RXRG: variants seen among roughly 807,000 people sequenced by gnomAD.
RXRG encodes retinoid X receptor gamma.
In RXRG, 19 loss-of-function variants were observed where a neutral mutation model predicts 49.2. The ratio of observed to expected loss-of-function variants is 0.39; its 90% confidence interval spans 0.27 to 0.57. The LOEUF (loss-of-function observed/expected upper bound fraction) is 0.57, where lower values mean the gene tolerates loss of function less well. Among genes scored for constraint, RXRG ranks in the 20% least tolerant of loss-of-function variants. The pLI is 0.64. For missense variants in RXRG, 452 were observed against 592.5 expected (o/e 0.76, Z 2.46); for synonymous variants, 224 against 216.6 (o/e 1.03, Z -0.30).
In RXRG at chr1:165,436,755, C is replaced by A. The variant is rs1208477799; in HGVS notation, c.50-7789G>T. Among the ~76,000 whole-genome samples the A allele has an allele frequency of 2.0e-5, 3 of 152,114 alleles. No individual in the cohort carries two copies. The South Asian group carries it at 6.2e-4, about 32-fold the overall frequency. ...GGCAGTGACCTTGAGAAGTCCTGAC[C>A]CCCTCCATTTCCTCAAATGCAAATG... On this transcript the variant is annotated intron_variant, in intron 1 of 9. Coordinates refer to ENST00000359842, the MANE Select transcript of RXRG (RefSeq NM_006917.5).
At chr1:165,406,764 G>A (rs1469897765) in intron 9 of RXRG, 48 bp downstream of exon 9, 2 of 1,294,054 alleles carry the variant, frequency 1.5e-6, no homozygotes, top group East Asian at 4.6e-5. Context: ...TAGATGAAGA[G>A]TGGGAGTAGT....
intron 2 of RXRG, among the ~76,000 whole-genome samples, chr1:165,424,196 T>G (rs1329284667): frequency 6.6e-6 from 1 of 152,236 alleles, no homozygotes; most frequent in Non-Finnish European, 1.5e-5. Context: ...TATTGATGTC[T>G]TTAGAAATTG....
At chr1:165,440,673 A>G (rs1049883997) in intron 1 of RXRG, among the ~76,000 whole-genome samples, 1 of 151,582 alleles carries the variant, frequency 6.6e-6, no homozygotes, top group Non-Finnish European at 1.5e-5. Context: ...TGCATTCTAG[A>G]AAATTAACTT....
At chr1:165,432,654 C>A (rs964548910) in intron 1 of RXRG, among the ~76,000 whole-genome samples, 2 of 152,178 alleles carry the variant, frequency 1.3e-5, no homozygotes, top group Non-Finnish European at 2.9e-5. Flanking sequence ...TTCCAGATAC[C>A]TGATTATATC....
At chr1:165,430,947 G>A (rs1055203685) in intron 1 of RXRG, among the ~76,000 whole-genome samples, 1 of 152,104 alleles carries the variant, frequency 6.6e-6, no homozygotes, top group South Asian at 2.1e-4. Context: ...AGCTTTTCCT[G>A]GTGTTCCTGG....
At chr1:165,411,757 T>A (rs1468279993) in intron 4 of RXRG, among the ~76,000 whole-genome samples, 1 of 152,172 alleles carries the variant, frequency 6.6e-6, no homozygotes, top group Admixed American at 6.5e-5. Context: ...GCTGAAATTA[T>A]CTCAGCCTCT....
intron 5 of RXRG, 44 bp from the exon 6 acceptor site, chr1:165,410,875 C>T (rs756235340): frequency 4.3e-6 from 7 of 1,613,602 alleles, no homozygotes; most frequent in South Asian, 1.1e-5. Flanking sequence ...TCCCAGGACT[C>T]AAATACACCC....
At chr1:165,434,198 A>C (rs1028502016) in intron 1 of RXRG, among the ~76,000 whole-genome samples, 6 of 152,138 alleles carry the variant, frequency 3.9e-5, no homozygotes, top group African/African-American at 1.4e-4. Context: ...AAAGTTTATC[A>C]ACAGAAATTA....
At chr1:165,418,181 A>G (rs1432634991) in intron 3 of RXRG, among the ~76,000 whole-genome samples, 2 of 149,584 alleles carry the variant, frequency 1.3e-5, no homozygotes, top group Non-Finnish European at 3.0e-5. Flanking sequence ...TGCATATTTC[A>G]TTGCCCTTAT....
intron 9 of RXRG, among the ~76,000 whole-genome samples, chr1:165,402,688 A>G (rs1232547995): frequency 1.3e-5 from 2 of 151,658 alleles, no homozygotes; most frequent in African/African-American, 2.4e-5. Flanking sequence ...ATGCCCACTC[A>G]TGCACACTTT....
chr1:165,401,169 G>A lies in RXRG; in HGVS notation c.*94C>T, dbSNP rs1420123030. 4.2e-6 allele frequency: 5 copies of A among 1,187,258 alleles called. No individual in the cohort carries two copies. The African/African-American group carries it at 7.6e-5, about 18-fold the overall frequency. The allele number at this position is 1,187,258 out of a possible 1,614,324, so 73.5% of individuals were successfully genotyped here. On this transcript the variant is annotated 3_prime_UTR_variant, in exon 10 of 10. Coordinates refer to ENST00000359842, the MANE Select transcript of RXRG (RefSeq NM_006917.5). ...CATCACATTTTGGGGACAGGAAGGGGGTCAGGGTGGGAGGTGGAGGAAAGT... is the reference window on the plus strand; with the variant it reads ...CATCACATTTTGGGGACAGGAAGGGAGTCAGGGTGGGAGGTGGAGGAAAGT...
intron 7 of RXRG, among the ~76,000 whole-genome samples, 164 bp downstream of exon 7, chr1:165,409,394 G>T (rs1337963687): frequency 6.6e-6 from 1 of 152,006 alleles, no homozygotes; most frequent in East Asian, 1.9e-4. Context: ...GTCTCTGCAT[G>T]GTCATGTGTA....
At chr1:165,408,969 T>C (rs537648078) in intron 7 of RXRG, among the ~76,000 whole-genome samples, 4 of 152,344 alleles carry the variant, frequency 2.6e-5, no homozygotes, top group Non-Finnish European at 5.9e-5. Context: ...CATTAACTAC[T>C]CATTTTATTC....
chr1:165,401,178 G>T lies in RXRG; in HGVS notation c.*85C>A. ...TTGGGGACAGGAAGGGGGTCAGGGT[G>T]GGAGGTGGAGGAAAGTGCAGGGTGG... On this transcript the variant is annotated 3_prime_UTR_variant, in exon 10 of 10. Transcript: ENST00000359842. 7.7e-7 allele frequency: 1 copy of T among 1,296,988 alleles called. No homozygotes were observed. Among genetic ancestry groups the T allele is most frequent in the East Asian group, 2.3e-5 (1 of 43,084 alleles). The allele number at this position is 1,296,988 out of a possible 1,614,324, so 80.3% of individuals were successfully genotyped here.
chr1:165,409,650 T>C lies in RXRG; in HGVS notation c.954A>G (p.Ser318=). 1 of 1,567,194 alleles carries C rather than the reference T, an allele frequency of 6.4e-7. No individual in the cohort carries two copies. Among genetic ancestry groups the C allele is most frequent in the Non-Finnish European group, 8.6e-7 (1 of 1,157,000 alleles). Residue 318 remains serine (S), a synonymous_variant, in exon 7 of 10, where the codon TCA becomes TCG. Transcript: ENST00000359842. Reference sequence around the variant, plus strand: ...GAAGGATGCCATCCTGCACGGAAACTGAGCGGTGGGAGAAAGAGGCAATCA... The same window carrying C: ...GAAGGATGCCATCCTGCACGGAAACCGAGCGGTGGGAGAAAGAGGCAATCA... ...ELLIASFSHR[S]VSVQDGILLA...
intron 1 of RXRG, among the ~76,000 whole-genome samples, chr1:165,433,095 G>A (rs1407232415): frequency 6.6e-6 from 1 of 151,866 alleles, no homozygotes; most frequent in East Asian, 1.9e-4. Flanking sequence ...TGCACAATTT[G>A]TCCATTTTTC....
At chr1:165,442,723 A>G (rs979656363) in intron 1 of RXRG, among the ~76,000 whole-genome samples, 1 of 152,218 alleles carries the variant, frequency 6.6e-6, no homozygotes, top group African/African-American at 2.4e-5. Context: ...TAGCAAATAT[A>G]TGGACAACAC....
intron 2 of RXRG, among the ~76,000 whole-genome samples, chr1:165,426,643 A>G (rs1658495200): frequency 6.6e-6 from 1 of 152,214 alleles, no homozygotes; most frequent in Non-Finnish European, 1.5e-5. Flanking sequence ...TGCTGACATA[A>G]AAGAAGCCCT....
intron 2 of RXRG, among the ~76,000 whole-genome samples, chr1:165,423,261 G>C (rs750538189): frequency 6.6e-6 from 1 of 152,178 alleles, no homozygotes; most frequent in African/African-American, 2.4e-5. Context: ...TGTTCCATTA[G>C]AAACAGTCTA....
Sources: allele counts gnomAD v4.1 joint callset (sites outside exome capture counted in the v4.1 genomes callset), GRCh38; gene constraint gnomAD v4.1.1; transcripts MANE v1.5; gene names NCBI Gene and HGNC (gene_info 2026-07-23, HGNC 2026-07-21).